CCDC93: variants seen among roughly 807,000 people sequenced by gnomAD.
CCDC93 encodes coiled-coil domain-containing protein 93.
CCDC93 carries 61 observed loss-of-function variants against 108.2 expected under a neutral mutation model. The observed-to-expected ratio is 0.56, with a 90% CI of 0.46 to 0.70. The LOEUF (loss-of-function observed/expected upper bound fraction) is 0.70. Ranked by LOEUF, CCDC93 falls within the 30% of genes least tolerant of loss-of-function variation. The pLI, the probability that CCDC93 is intolerant of heterozygous loss-of-function variation, is 0.00. For missense variants in CCDC93, 685 were observed against 764.2 expected, an observed-to-expected ratio of 0.90 and a Z score of 1.22; for synonymous variants, 276 against 260.4, an observed-to-expected ratio of 1.06 and a Z score of -0.58.
intron 3 of CCDC93, among the ~76,000 whole-genome samples, chr2:118,002,395 T>A (rs917943814): frequency 1.8e-4 from 28 of 152,196 alleles, no homozygotes; most frequent in African/African-American, 6.8e-4. Flanking sequence ...TAACAGTAAC[T>A]AGGTGACCTA....
Position 118,006,824 on chromosome 2 carries a change from A to G in CCDC93, c.157-8T>C. ...AGTCATTCCTCCTACTACCTGCAAG[A>G]CATAAAGAAAATATTTGTTTTCTCT... is the stretch of plus-strand genomic sequence containing the variant. On this transcript the variant is annotated splice_polypyrimidine_tract_variant and splice_region_variant and intron_variant, in intron 2 of 23. Transcript: ENST00000376300. 6.5e-7 allele frequency: 1 copy of G among 1,549,070 alleles called. No homozygotes were observed. The highest frequency in any genetic ancestry group is 8.9e-7 in the Non-Finnish European group (1 of 1,121,984).
chr2:117,995,574 G>T, intron 5 of CCDC93, 72 bp from the exon 6 acceptor site: 1 of 667,814 alleles, frequency 1.5e-6, no homozygotes, highest in Non-Finnish European at 2.4e-6. Flanking sequence ...ACTCAGATAT[G>T]TCTTATAAAT....
At chr2:117,987,794 A>ATTTATTCTTTTATAT (rs1417837423) in intron 6 of CCDC93, among the ~76,000 whole-genome samples, 18 of 152,238 alleles carry the variant, frequency 1.2e-4, no homozygotes, top group African/African-American at 3.4e-4. Flanking sequence ...AAGGAATATA[A>ATTTATTCTTTTATAT]AATCAATTTA....
chr2:117,975,176 T>C lies in CCDC93; in HGVS notation c.750+12A>G, dbSNP rs1444340676. On this transcript the variant is annotated intron_variant, in intron 9 of 23. Transcript: ENST00000376300. ...ACACAGAAACCTCAGAGGGCCTACA[T>C]GGACCACACACCTCTTCAGCTGCTC... 1.9e-6 allele frequency: 3 copies of C among 1,609,962 alleles called. No individual in the cohort carries two copies. Among genetic ancestry groups the C allele is most frequent in the Admixed American group, 1.7e-5 (1 of 59,944 alleles).
chr2:117,936,637 G>T, intron 21 of CCDC93, 65 bp downstream of exon 21: 1 of 1,237,926 alleles, frequency 8.1e-7, no homozygotes, highest in Non-Finnish European at 1.2e-6. Flanking sequence ...AGCAATGTGA[G>T]GTGGGCTGAA....
chr2:117,943,313 A>T (rs1029751352), intron 18 of CCDC93, among the ~76,000 whole-genome samples: 3 of 152,256 alleles, frequency 2.0e-5, no homozygotes, highest in Admixed American at 1.3e-4. Flanking sequence ...CATATAAAGC[A>T]CTCAGTCAAA....
intron 11 of CCDC93, among the ~76,000 whole-genome samples, chr2:117,960,803 G>T (rs904848890): frequency 6.6e-6 from 1 of 152,004 alleles, no homozygotes; most frequent in Non-Finnish European, 1.5e-5. Flanking sequence ...TCTCATTCTC[G>T]TGATTATACA....
intron 22 of CCDC93, among the ~76,000 whole-genome samples, chr2:117,932,958 G>A (rs961583498): frequency 1.3e-5 from 2 of 152,272 alleles, no homozygotes; most frequent in East Asian, 1.9e-4. Flanking sequence ...ACACTTCACC[G>A]TGACTGATTA....
At chr2:117,977,935 G>T (rs1679994720) in intron 8 of CCDC93, 59 bp downstream of exon 8, 2 of 1,480,820 alleles carry the variant, frequency 1.4e-6, no homozygotes, top group Admixed American at 1.7e-5. Flanking sequence ...TTAGTCAGAG[G>T]TGAAGGGAGT....
At chr2:117,932,286 T>G (rs1351131181) in intron 22 of CCDC93, among the ~76,000 whole-genome samples, 4 of 152,208 alleles carry the variant, frequency 2.6e-5, no homozygotes, top group Admixed American at 6.5e-5. Context: ...GCTGTGGCTT[T>G]GCTGATGCCT....
intron 3 of CCDC93, among the ~76,000 whole-genome samples, chr2:118,005,689 C>T (rs1484174419): frequency 1.3e-5 from 2 of 148,494 alleles, no homozygotes; most frequent in African/African-American, 5.0e-5. Context: ...GAAGTCGAGG[C>T]TGCAGTGAGT....
chr2:117,946,050 G>A (rs553153048), intron 16 of CCDC93, among the ~76,000 whole-genome samples: 1 of 152,316 alleles, frequency 6.6e-6, no homozygotes, highest in South Asian at 2.1e-4. Flanking sequence ...GATGTGAAGA[G>A]TTGTATGGCT....
At chr2:117,948,232 T>G (rs981298657) in intron 14 of CCDC93, 46 bp from the exon 15 acceptor site, 2 of 1,423,092 alleles carry the variant, frequency 1.4e-6, no homozygotes, top group Non-Finnish European at 2.0e-6. Context: ...GCCATTATGA[T>G]TTTATGAATC....
intron 3 of CCDC93, among the ~76,000 whole-genome samples, chr2:118,001,814 C>G (rs1162815191): frequency 6.6e-6 from 1 of 152,206 alleles, no homozygotes; most frequent in African/African-American, 2.4e-5. Flanking sequence ...TTATTGCAGC[C>G]TGAAACCTCC....
intron 7 of CCDC93, among the ~76,000 whole-genome samples, chr2:117,984,496 C>T (rs1181451804): frequency 6.6e-6 from 1 of 152,150 alleles, no homozygotes; most frequent in Non-Finnish European, 1.5e-5. Flanking sequence ...CTACTATCTA[C>T]AACATATATA....
chr2:117,920,410 A>G lies in CCDC93; in HGVS notation c.1843-14T>C. ...CTTGCGGCCCTCCTGGAGGGAAAGCAGAGAGTATAGAGAGAGTGGTGACTA... is the reference window on the plus strand; with the variant it reads ...CTTGCGGCCCTCCTGGAGGGAAAGCGGAGAGTATAGAGAGAGTGGTGACTA... On this transcript the variant is annotated splice_polypyrimidine_tract_variant and intron_variant, in intron 23 of 23. Transcript: ENST00000376300. 6.2e-7 allele frequency: 1 copy of G among 1,601,728 alleles called. No individual in the cohort carries two copies. The highest frequency in any genetic ancestry group is 8.5e-7 in the Non-Finnish European group (1 of 1,169,742).
intron 11 of CCDC93, among the ~76,000 whole-genome samples, chr2:117,959,672 C>T (rs1316231733): frequency 6.6e-6 from 1 of 152,198 alleles, no homozygotes; most frequent in Non-Finnish European, 1.5e-5. Context: ...CAGCAGGATA[C>T]AGCTGCATAA....
intron 11 of CCDC93, among the ~76,000 whole-genome samples, chr2:117,965,322 ACACT>A (rs1457814773): frequency 6.6e-6 from 1 of 152,158 alleles, no homozygotes; most frequent in Non-Finnish European, 1.5e-5. Flanking sequence ...AGGATTGGAA[ACACT>A]CACATCTAAG....
At position 118,014,004 on chromosome 2, in the gene CCDC93, C is replaced by G. The variant is rs757480697; in HGVS notation, c.-9G>C. On this transcript the variant is annotated 5_prime_UTR_variant, in exon 1 of 24. Coordinates refer to ENST00000376300, the MANE Select transcript of CCDC93 (RefSeq NM_019044.5). Reference sequence around the variant, plus strand: ...CCCCTGGGCAACCCCATGATCCGACCGGGCTGTCGTAAGGCGAGAGCGAAG... The same window carrying G: ...CCCCTGGGCAACCCCATGATCCGACGGGGCTGTCGTAAGGCGAGAGCGAAG... 8 of 1,593,334 alleles carry G rather than the reference C, an allele frequency of 5.0e-6. No homozygotes were observed. In the East Asian group the frequency reaches 9.2e-5, roughly 18 times the overall value.
Sources: gnomAD v4.1 joint callset for allele counts (sites outside exome capture counted in the v4.1 genomes callset) on GRCh38, gnomAD v4.1.1 for gene constraint, MANE v1.5 for transcripts, NCBI Gene and HGNC (gene_info 2026-07-23, HGNC 2026-07-21) for gene names.